Variants in UBA1 observed in about 807,000 individuals in gnomAD.
UBA1 encodes the protein ubiquitin like modifier activating enzyme 1.
UBA1 carries 4 observed loss-of-function variants against 84.7 expected under a neutral mutation model. The observed-to-expected ratio is 0.05, with a 90% CI of 0.02 to 0.11. The LOEUF (loss-of-function observed/expected upper bound fraction) is 0.11, where lower values mean the gene tolerates loss of function less well. Among genes scored for constraint, UBA1 ranks in the 10% least tolerant of loss-of-function variants. UBA1 has a pLI of 1.00. For synonymous variants in UBA1, 364 were observed against 362.6 expected, an observed-to-expected ratio of 1.00 and a Z score of -0.04; for missense variants, 513 against 902.8, an observed-to-expected ratio of 0.57 and a Z score of 5.53.
At chrX:47,202,122 G>A (rs1432961035) in intron 8 of UBA1, 34 bp from the exon 9 acceptor site, 1 of 1,135,115 alleles carries the variant, frequency 8.8e-7, no homozygotes, top group African/African-American at 1.8e-5. Flanking sequence ...AGGGAGAATG[G>A]GTAGACTGAC....
At chrX:47,200,632 G>T (rs781996518) in intron 5 of UBA1, among the ~76,000 whole-genome samples, 1 of 112,057 alleles carries the variant, frequency 8.9e-6, no homozygotes, top group Admixed American at 9.4e-5. Context: ...AGACAGCAGC[G>T]GGTGTTTGTC....
At position 47,206,331 on chromosome X, in the gene UBA1, G is replaced by A. The variant is rs1556791109; in HGVS notation, c.1825G>A (p.Val609Met). 8.3e-7 allele frequency: 1 copy of A among 1,211,881 alleles called. No homozygotes were observed. The highest frequency in any genetic ancestry group is 1.7e-5 in the African/African-American group (1 of 57,949). The change falls in exon 16 of 26, where the codon GTG becomes ATG. Residue 609 changes from valine to methionine, a missense_variant. Around this residue, in one of 6 missense-constraint regions of UBA1, gnomAD observed 40 missense variants for 138.3 expected, o/e 0.29. Transcript: ENST00000335972. ...ACTGGGCACCAAAGGCAATGTGCAG[G>A]TGGTGATCCCCTTCCTGACAGAGTC... ...GTLGTKGNVQ[V>M]VIPFLTESYS...
chrX:47,204,139 G>GTTTTT (rs55829376), intron 14 of UBA1, among the ~76,000 whole-genome samples: 5 of 16,877 alleles, frequency 3.0e-4, no homozygotes, highest in Admixed American at 1.1e-3. Context: ...CTCAGCTTCT[G>GTTTTT]TTTTTTTTTT....
At chrX:47,197,971 C>T in intron 1 of UBA1, 1 of 841,836 alleles carries the variant, frequency 1.2e-6, no homozygotes. Flanking sequence ...AGGAGGACTC[C>T]TGATCAATCT....
Position 47,203,696 on chromosome X carries a change from G to A in UBA1, c.1575G>A (p.Thr525=), listed in dbSNP as rs1936511042. The part of the protein sequence containing the change: ...RQFLFRPWDV[T]KLKSDTAAAA... The stretch of plus-strand genomic sequence containing the variant: ...TTCTTTTCCGGCCCTGGGATGTCAC[G>A]GTGAGTAGGGTAGGAGGTTGGGGCT... The change falls in exon 14 of 26, where the codon ACG becomes ACA. Residue 525 remains threonine (T), a splice_region_variant and synonymous_variant. Coordinates refer to ENST00000335972, the MANE Select transcript of UBA1 (RefSeq NM_003334.4). The A allele has an allele frequency of 2.1e-5, 25 of 1,207,302 alleles. No individual in the cohort carries two copies. Among genetic ancestry groups the A allele is most frequent in the South Asian group, 3.5e-5 (2 of 56,633 alleles).
intron 18 of UBA1, 37 bp from the exon 19 acceptor site, chrX:47,210,805 C>T: frequency 8.4e-7 from 1 of 1,190,146 alleles, no homozygotes; most frequent in Non-Finnish European, 1.1e-6. Flanking sequence ...GGCCTTCACT[C>T]TCAGGTCCTG....
rs914667958 is a variant in UBA1, at chrX:47,215,040, C to G, written c.*111C>G. Reference sequence around the variant, plus strand: ...GGCCCAACTAGCCAAGTCTGGTGTTCCCTCATCATCCCCCTACCTGAACCC... The same window carrying G: ...GGCCCAACTAGCCAAGTCTGGTGTTGCCTCATCATCCCCCTACCTGAACCC... On this transcript the variant is annotated 3_prime_UTR_variant, in exon 26 of 26. Transcript: ENST00000335972. 1.9e-6 allele frequency: 2 copies of G among 1,045,856 alleles called. No individual in the cohort carries two copies. Among genetic ancestry groups the G allele is most frequent in the South Asian group, 3.8e-5 (2 of 52,693 alleles). The allele number at this position is 1,045,856 out of a possible 1,213,427, so 86.2% of individuals were successfully genotyped here. A position where few individuals can be genotyped will look rare whatever the true frequency, so the allele number is the denominator to read the frequency against.
intron 13 of UBA1, 92 bp from the exon 14 acceptor site, chrX:47,203,449 C>A: frequency 9.2e-7 from 1 of 1,086,518 alleles, no homozygotes; most frequent in Non-Finnish European, 1.3e-6. Context: ...CCCCTCTCCC[C>A]GTCTCTCAGG....
rs1556786427 is a variant in UBA1 at position 47,198,877 on chromosome X, T to G, written c.75T>G (p.Pro25=). 8.2e-7 allele frequency: 1 copy of G among 1,212,136 alleles called. No individual in the cohort carries two copies. The highest frequency in any genetic ancestry group is 1.1e-6 in the Non-Finnish European group (1 of 895,607). The part of the protein sequence containing the change: ...PDPKPGSNCS[P]AQSVLSEVPS... The stretch of plus-strand genomic sequence containing the variant: ...CAAAGCCGGGTTCTAACTGCTCCCC[T>G]GCCCAGTCCGTGTTGTCCGAAGTGC... Residue 25 remains proline (P), a synonymous_variant, in exon 2 of 26, where the codon CCT becomes CCG. Coordinates refer to ENST00000335972, the MANE Select transcript of UBA1 (RefSeq NM_003334.4).
intron 16 of UBA1, chrX:47,206,765 T>C (rs1055512127): frequency 6.2e-6 from 2 of 323,162 alleles, no homozygotes; most frequent in East Asian, 6.2e-5. Flanking sequence ...TTTATGTAGA[T>C]TTTTCTTCTT....
rs1229160163 is a variant in UBA1, at chrX:47,207,730, A to G, written c.1938+1286A>G. 4.5e-5 allele frequency among the ~76,000 whole-genome samples: 5 copies of G among 111,779 alleles called. No individual in the cohort carries two copies. In the East Asian group the frequency reaches 8.3e-4, roughly 19 times the overall value. ...TTCTCCCTTCTGACACTGCAGTTCC[A>G]GAGTGGGTATGTTTGTATTTGTGCA... On this transcript the variant is annotated intron_variant, in intron 16 of 25. Transcript: ENST00000335972.
chrX:47,200,850 C>T (rs1205801896), intron 5 of UBA1, 44 bp from the exon 6 acceptor site: 2 of 1,069,516 alleles, frequency 1.9e-6, no homozygotes, highest in Admixed American at 2.6e-5. Context: ...TCCATTTTTT[C>T]CCCTTCACCC....
At chrX:47,193,108 G>A (rs1169752967), upstream of UBA1, among the ~76,000 whole-genome samples, 5 of 111,543 alleles carry the variant, frequency 4.5e-5, no homozygotes, top group South Asian at 1.5e-3. Flanking sequence ...ACAGGAAGGC[G>A]TGCTCACTTT....
In UBA1 at chrX:47,209,239, C is replaced by T. The variant is rs186611751; in HGVS notation, c.1939-384C>T. On this transcript the variant is annotated intron_variant, in intron 16 of 25. Coordinates refer to ENST00000335972, the MANE Select transcript of UBA1 (RefSeq NM_003334.4). ...GCATGATCTCGGCTCACTGCAACCT[C>T]CGCCTCCCGGGTTCAAGAGATTTCC... The T allele has an allele frequency of 4.0e-3, 1,569 of 396,982 alleles. 10 individuals carry two copies. The highest frequency in any genetic ancestry group is 0.034 in the African/African-American group (1,364 of 39,822). The allele number at this position is 396,982 out of a possible 1,213,427, so 32.7% of individuals were successfully genotyped here.
upstream of UBA1, chrX:47,191,075 A>G (rs1287171753): frequency 9.0e-6 from 1 of 110,695 alleles, no homozygotes; most frequent in African/African-American, 3.3e-5. Flanking sequence ...GGTGATATTT[A>G]GGGGGCGTCT....
intron 20 of UBA1, among the ~76,000 whole-genome samples, chrX:47,211,475 T>C (rs1241598830): frequency 8.9e-6 from 1 of 111,830 alleles, no homozygotes; most frequent in Non-Finnish European, 1.9e-5. Context: ...GCTCTGTGTA[T>C]TTCCCTTAGT....
intron 1 of UBA1, chrX:47,197,367 T>C: frequency 1.3e-6 from 1 of 755,087 alleles, no homozygotes; most frequent in Non-Finnish European, 1.6e-6. Flanking sequence ...CCTCTTTGAT[T>C]GACACACAGT....
At chrX:47,197,896 C>G in intron 1 of UBA1, 8 of 731,398 alleles carry the variant, frequency 1.1e-5, no homozygotes, top group Non-Finnish European at 1.3e-5. Context: ...CCAAACCCCA[C>G]AGGAGTACCC....
intron 5 of UBA1, 66 bp downstream of exon 5, chrX:47,199,680 T>G (rs1321173468): frequency 1.6e-5 from 18 of 1,148,011 alleles, no homozygotes; most frequent in Non-Finnish European, 2.1e-5. Flanking sequence ...GTTTATTCAG[T>G]AGTGTTCAAT....
Sources: gnomAD v4.1 joint callset for allele counts (sites outside exome capture counted in the v4.1 genomes callset) on GRCh38, gnomAD v4.1.1 for gene constraint, gnomAD v4.1.1 regional missense constraint, MANE v1.5 for transcripts, NCBI Gene and HGNC (gene_info 2026-07-23, HGNC 2026-07-21) for gene names.